STARD13: variants seen among roughly 807,000 people sequenced by gnomAD.
The protein encoded by STARD13 is StAR related lipid transfer domain containing 13.
In STARD13, 62 loss-of-function variants were observed where a neutral mutation model predicts 106.4. The ratio of observed to expected loss-of-function variants is 0.58; its 90% confidence interval spans 0.48 to 0.72. STARD13 has a LOEUF of 0.72. Ranked by LOEUF, STARD13 falls within the 30% of genes least tolerant of loss-of-function variation. The pLI, the probability that STARD13 is intolerant of heterozygous loss-of-function variation, is 0.00. For synonymous variants in STARD13, 565 were observed against 553.0 expected (o/e 1.02, Z -0.31); for missense variants, 1,387 against 1,424.0 (o/e 0.97, Z 0.42).
intron 5 of STARD13, among the ~76,000 whole-genome samples, chr13:33,128,683 A>AT (rs1186734600): frequency 6.6e-6 from 1 of 152,272 alleles, no homozygotes; most frequent in African/African-American, 2.4e-5. Flanking sequence ...AGCTCAAAAT[A>AT]TTTTTGGATA....
the STARD13 span, among the ~76,000 whole-genome samples, chr13:33,408,872 T>A: frequency 6.6e-6 from 1 of 152,022 alleles, no homozygotes; most frequent in Non-Finnish European, 1.5e-5. Flanking sequence ...ATGTTCTCTT[T>A]CCCGAGATAT....
At chr13:33,304,465 T>C (rs1485393115) in intron 1 of STARD13, among the ~76,000 whole-genome samples, 2 of 152,140 alleles carry the variant, frequency 1.3e-5, no homozygotes, top group African/African-American at 4.8e-5. Context: ...AAAAGAAACA[T>C]CTGTCAACAT....
the STARD13 span, among the ~76,000 whole-genome samples, chr13:33,640,368 AC>A: frequency 6.6e-5 from 10 of 152,344 alleles, no homozygotes; most frequent in South Asian, 1.4e-3. Context: ...AATATAAATA[AC>A]TTCTAATAGG....
intron 1 of STARD13, among the ~76,000 whole-genome samples, chr13:33,293,714 G>A (rs1424050026): frequency 6.6e-6 from 1 of 152,190 alleles, no homozygotes; most frequent in Non-Finnish European, 1.5e-5. Flanking sequence ...TGCCAGCACA[G>A]CTAGAATATA....
At chr13:33,425,302 G>C in the STARD13 span, among the ~76,000 whole-genome samples, 2 of 152,318 alleles carry the variant, frequency 1.3e-5, no homozygotes, top group Middle Eastern at 3.4e-3. Flanking sequence ...CCTAGGAACT[G>C]TCAGACCTGG....
At chr13:33,539,366 C>G in the STARD13 span, among the ~76,000 whole-genome samples, 1 of 152,116 alleles carries the variant, frequency 6.6e-6, no homozygotes, top group Non-Finnish European at 1.5e-5. Context: ...GAATCCCATT[C>G]AAAATCCCAG....
the STARD13 span, among the ~76,000 whole-genome samples, chr13:33,507,821 G>A: frequency 6.6e-6 from 1 of 152,058 alleles, no homozygotes; most frequent in African/African-American, 2.4e-5. Context: ...AAATCATACG[G>A]AAGAGAAAAT....
the STARD13 span, among the ~76,000 whole-genome samples, chr13:33,544,448 TG>T: frequency 6.6e-6 from 1 of 152,270 alleles, no homozygotes. Flanking sequence ...CTGTAACTTT[TG>T]TGCTTGCTAC....
chr13:33,106,977 G>A (rs373122139), intron 12 of STARD13, 43 bp from the exon 13 acceptor site: 4 of 1,568,364 alleles, frequency 2.6e-6, no homozygotes, highest in Non-Finnish European at 2.6e-6. Flanking sequence ...GACTGAGGGA[G>A]GAAGAAGAAC....
the STARD13 span, among the ~76,000 whole-genome samples, chr13:33,502,727 G>C: frequency 6.6e-6 from 1 of 152,214 alleles, no homozygotes; most frequent in African/African-American, 2.4e-5. Flanking sequence ...GCATCGCAGT[G>C]ATGAAGCCAA....
the STARD13 span, among the ~76,000 whole-genome samples, chr13:33,378,448 C>T: frequency 2.6e-5 from 4 of 152,218 alleles, no homozygotes; most frequent in South Asian, 8.3e-4. Context: ...TGCTGTGGTT[C>T]TCAGGAATAA....
the STARD13 span, among the ~76,000 whole-genome samples, chr13:33,391,250 T>C: frequency 6.6e-6 from 1 of 152,174 alleles, no homozygotes; most frequent in African/African-American, 2.4e-5. Flanking sequence ...GCCAACGATA[T>C]TGACAATCAG....
the STARD13 span, among the ~76,000 whole-genome samples, chr13:33,360,634 TTTCCTTCTGTGTAGACAGAAGGA>T: frequency 8.5e-3 from 105 of 12,300 alleles, no homozygotes; most frequent in East Asian, 0.032. Context: ...TAATATACAT[TTTCCTTCTGTGTAGACAGAAGGA>T]TTCCTTCTGT....
chr13:33,566,079 A>G, the STARD13 span, among the ~76,000 whole-genome samples: 1 of 148,426 alleles, frequency 6.7e-6, no homozygotes, highest in Non-Finnish European at 1.5e-5. Flanking sequence ...GTGCTATCTT[A>G]TGATGCCTGT....
intron 6 of STARD13, among the ~76,000 whole-genome samples, chr13:33,126,654 G>T (rs1350851475): frequency 6.6e-6 from 1 of 152,156 alleles, no homozygotes; most frequent in Non-Finnish European, 1.5e-5. Context: ...AATATTTCTT[G>T]GCTCTATCTT....
chr13:33,282,883 G>T (rs1214840216), intron 1 of STARD13, among the ~76,000 whole-genome samples: 1 of 152,032 alleles, frequency 6.6e-6, no homozygotes, highest in African/African-American at 2.4e-5. Context: ...TTAAAAATTA[G>T]CCAGGCATGG....
intron 3 of STARD13, among the ~76,000 whole-genome samples, chr13:33,161,787 G>A (rs1174268385): frequency 2.0e-5 from 3 of 152,128 alleles, no homozygotes; most frequent in Non-Finnish European, 4.4e-5. Context: ...AGGTTTAATT[G>A]GACGTAGTCC....
chr13:33,189,898 C>A (rs1034886170), intron 1 of STARD13, among the ~76,000 whole-genome samples: 1 of 152,046 alleles, frequency 6.6e-6, no homozygotes, highest in Non-Finnish European at 1.5e-5. Flanking sequence ...CAACTGCAAC[C>A]CACTCTAAGC....
chr13:33,242,768 A>C (rs1351267760), intron 1 of STARD13, among the ~76,000 whole-genome samples: 1 of 152,178 alleles, frequency 6.6e-6, no homozygotes, highest in Non-Finnish European at 1.5e-5. Flanking sequence ...AAAAAATAAA[A>C]AATAAAAAAA....
Sources: allele counts gnomAD v4.1 joint callset (sites outside exome capture counted in the v4.1 genomes callset), GRCh38; gene constraint gnomAD v4.1.1; transcripts MANE v1.5; gene names NCBI Gene and HGNC (gene_info 2026-07-23, HGNC 2026-07-21).